WDFY3: variants seen among roughly 807,000 people sequenced by gnomAD.
WDFY3 encodes the protein WD repeat and FYVE domain containing 3.
WDFY3 carries 66 observed loss-of-function variants against 409.6 expected under a neutral mutation model. The ratio of observed to expected loss-of-function variants is 0.16; its 90% CI spans 0.13 to 0.20. The LOEUF (loss-of-function observed/expected upper bound fraction) is 0.20. WDFY3 is among the 10% of genes least tolerant of loss of function. The pLI, the probability that WDFY3 is intolerant of heterozygous loss-of-function variation, is 1.00. For missense variants in WDFY3, 3,031 were observed against 4,298.1 expected, an observed-to-expected ratio of 0.71 and a Z score of 8.24; for synonymous variants, 1,521 against 1,537.1, an observed-to-expected ratio of 0.99 and a Z score of 0.25.
intron 51 of WDFY3, among the ~76,000 whole-genome samples, chr4:84,711,056 T>A (rs1325355132): frequency 6.6e-6 from 1 of 152,214 alleles, no homozygotes; most frequent in Non-Finnish European, 1.5e-5. Flanking sequence ...AATTACAGAA[T>A]CTCTAGAACT....
chr4:84,757,013 C>G lies in WDFY3; in HGVS notation c.5337G>C (p.Leu1779Phe). Residue 1779 changes from leucine (L) to phenylalanine (F), a missense_variant, in exon 33 of 68, where the codon TTG becomes TTC. Leu to Phe is a conservative substitution (Grantham distance 22). Coordinates refer to ENST00000295888, the MANE Select transcript of WDFY3 (RefSeq NM_014991.6). ...GCTCACTAACTGGCTGCTGCAGAAACAAGGCCATGAGGAGAAAATAGAGGG... is the reference window on the plus strand; with the variant it reads ...GCTCACTAACTGGCTGCTGCAGAAAGAAGGCCATGAGGAGAAAATAGAGGG... The part of the protein sequence containing the change: ...VPALYFLLMA[L>F]FLQQPVSELP... 1.2e-6 allele frequency: 2 copies of G among 1,614,030 alleles called. No homozygotes were observed. Among genetic ancestry groups the G allele is most frequent in the Non-Finnish European group, 1.7e-6 (2 of 1,179,962 alleles).
chr4:84,776,186 CT>C (rs1745516409), intron 27 of WDFY3, among the ~76,000 whole-genome samples: 1 of 151,900 alleles, frequency 6.6e-6, no homozygotes, highest in African/African-American at 2.4e-5. Flanking sequence ...ATGAAAGTCT[CT>C]TATTGCAAAG....
chr4:84,922,722 C>T (rs1769449952), intron 2 of WDFY3, among the ~76,000 whole-genome samples: 1 of 151,964 alleles, frequency 6.6e-6, no homozygotes, highest in African/African-American at 2.4e-5. Context: ...TGCAGTGGCA[C>T]CATCAAAGCT....
chr4:84,750,026 A>T (rs2149286678), intron 36 of WDFY3, among the ~76,000 whole-genome samples: 1 of 152,244 alleles, frequency 6.6e-6, no homozygotes, highest in East Asian at 1.9e-4. Flanking sequence ...CTATCACTGT[A>T]TGTTTCCAGT....
At chr4:84,829,247 T>C in intron 8 of WDFY3, 57 bp from the exon 9 acceptor site, 5 of 1,399,660 alleles carry the variant, frequency 3.6e-6, no homozygotes, top group Non-Finnish European at 4.8e-6. Context: ...GCTTAAAAAT[T>C]TTTTAATTGT....
Position 84,821,414 on chromosome 4 carries a change from G to A in WDFY3, c.1261C>T (p.Leu421=), listed in dbSNP as rs763334522. ...YMADNANYFI[L]ESQHTLSQFA... is the part of the protein sequence containing the mutation. ...TGTGACAATGTGTGCTGTGACTCTA[G>A]GATGAAGTAATTGGCATTGTCAGCC... is the stretch of plus-strand genomic sequence containing the variant. The change falls in exon 11 of 68, where the codon CTA becomes TTA. Residue 421 remains leucine, a synonymous_variant. Transcript: ENST00000295888. The A allele has an allele frequency of 5.0e-6, 8 of 1,613,784 alleles. No individual in the cohort carries two copies. The highest frequency in any genetic ancestry group is 6.8e-6 in the Non-Finnish European group (8 of 1,179,884).
intron 32 of WDFY3, among the ~76,000 whole-genome samples, chr4:84,765,145 TAAAG>T (rs904891036): frequency 3.9e-5 from 6 of 152,176 alleles, no homozygotes; most frequent in East Asian, 1.9e-4. Context: ...TGCCTTTAAA[TAAAG>T]ACAGTATCTT....
chr4:84,951,871 G>A (rs1189555517), intron 1 of WDFY3, among the ~76,000 whole-genome samples: 1 of 152,134 alleles, frequency 6.6e-6, no homozygotes, highest in East Asian at 1.9e-4. Context: ...GGAATATGAG[G>A]AGACTTTTAA....
intron 22 of WDFY3, among the ~76,000 whole-genome samples, 190 bp from the exon 23 acceptor site, chr4:84,787,903 C>T (rs1157159530): frequency 6.6e-6 from 1 of 152,126 alleles, no homozygotes; most frequent in Non-Finnish European, 1.5e-5. Flanking sequence ...GGTATAGTAG[C>T]TAAAACTTTT....
chr4:84,963,075 C>T (rs757035678), intron 1 of WDFY3, among the ~76,000 whole-genome samples: 1 of 149,220 alleles, frequency 6.7e-6, no homozygotes, highest in Non-Finnish European at 1.5e-5. Flanking sequence ...GATTTTGACT[C>T]GACATAAATA....
At chr4:84,808,192 A>G in intron 15 of WDFY3, 142 bp downstream of exon 15, 1 of 680,994 alleles carries the variant, frequency 1.5e-6, no homozygotes, top group East Asian at 2.8e-5. Flanking sequence ...ACACCCCCCA[A>G]AACCCCAAAA....
At chr4:84,682,665 A>T in intron 63 of WDFY3, 195 bp from the exon 64 acceptor site, 1 of 571,646 alleles carries the variant, frequency 1.7e-6, no homozygotes, top group Non-Finnish European at 3.2e-6. Flanking sequence ...AAGTACAGGG[A>T]AAAAGATTAT....
At chr4:84,740,121 A>G in intron 39 of WDFY3, 66 bp downstream of exon 39, 2 of 1,492,772 alleles carry the variant, frequency 1.3e-6, no homozygotes, top group East Asian at 2.3e-5. Flanking sequence ...CAAAAAAAAT[A>G]AAGAATTTTG....
intron 10 of WDFY3, among the ~76,000 whole-genome samples, chr4:84,824,419 T>C (rs1754550925): frequency 6.6e-6 from 1 of 152,166 alleles, no homozygotes; most frequent in Admixed American, 6.5e-5. Context: ...TTTGGTACTA[T>C]CTGTGGTTTC....
intron 17 of WDFY3, among the ~76,000 whole-genome samples, chr4:84,799,315 C>T (rs1379831790): frequency 6.7e-6 from 1 of 148,278 alleles, no homozygotes; most frequent in Non-Finnish European, 1.5e-5. Context: ...CGCCACCATG[C>T]TAGTTAATAC....
chr4:84,713,140 C>G lies in WDFY3; in HGVS notation c.8042+19G>C. The G allele has an allele frequency of 6.2e-7, 1 of 1,611,968 alleles. No individual in the cohort carries two copies. The highest frequency in any genetic ancestry group is 1.3e-5 in the African/African-American group (1 of 74,966). ...AACTTCACTATTAAACTGTAACATG[C>G]AAGGAACAAACCACCTACCCCTGCT... On this transcript the variant is annotated intron_variant, in intron 51 of 67. Transcript: ENST00000295888.
Position 84,672,788 on chromosome 4 carries a change from T to TCCCAG in WDFY3, c.*79_*80insCTGGG. On this transcript the variant is annotated 3_prime_UTR_variant, in exon 68 of 68. Coordinates refer to ENST00000295888, the MANE Select transcript of WDFY3 (RefSeq NM_014991.6). Reference sequence around the variant, plus strand: ...TGAAGAGATGTGTAAACGGAGACTGTTTTCAATGCCTTCCAAGCTGGGACA... The same window carrying TCCCAG: ...TGAAGAGATGTGTAAACGGAGACTGTCCCAGTTTCAATGCCTTCCAAGCTGGGACA... 2 of 1,572,940 alleles carry TCCCAG rather than the reference T, an allele frequency of 1.3e-6. No individual in the cohort carries two copies. Among genetic ancestry groups the TCCCAG allele is most frequent in the Non-Finnish European group, 1.7e-6 (2 of 1,161,492 alleles).
chr4:84,836,891 T>C, intron 7 of WDFY3, 38 bp downstream of exon 7: 1 of 1,409,326 alleles, frequency 7.1e-7, no homozygotes, highest in Non-Finnish European at 9.3e-7. Flanking sequence ...CACTTCCCTT[T>C]AAATAGGGTG....
chr4:84,876,700 TAC>T (rs1168572691), intron 3 of WDFY3, among the ~76,000 whole-genome samples: 1 of 152,076 alleles, frequency 6.6e-6, no homozygotes, highest in Non-Finnish European at 1.5e-5. Context: ...AAAAAAAACT[TAC>T]ATAGAGTTAT....
Sources: allele counts gnomAD v4.1 joint callset (sites outside exome capture counted in the v4.1 genomes callset), GRCh38; gene constraint gnomAD v4.1.1; transcripts MANE v1.5; gene names NCBI Gene and HGNC (gene_info 2026-07-23, HGNC 2026-07-21).